Variants in SLC25A28 observed in about 807,000 individuals in gnomAD.
The protein encoded by SLC25A28 is mitoferrin-2.
A neutral mutation model predicts 31.9 loss-of-function variants in SLC25A28; 10 were observed. The ratio of observed to expected loss-of-function variants is 0.31; its 90% CI spans 0.19 to 0.53. SLC25A28 has a LOEUF of 0.53. Ranked by LOEUF, SLC25A28 falls within the 20% of genes least tolerant of loss-of-function variation. The pLI is 0.95. For missense variants in SLC25A28, 256 were observed against 490.3 expected (o/e 0.52, Z 4.51); for synonymous variants, 208 against 203.6 (o/e 1.02, Z -0.19).
the SLC25A28 span, among the ~76,000 whole-genome samples, chr10:99,648,007 A>AT: frequency 0.028 from 4,077 of 143,300 alleles, 100 homozygotes; most frequent in African/African-American, 0.075. Context: ...TATTCCATTG[A>AT]TTTTTTTTTT....
At chr10:99,646,985 G>A in the SLC25A28 span, among the ~76,000 whole-genome samples, 2 of 152,154 alleles carry the variant, frequency 1.3e-5, no homozygotes, top group African/African-American at 4.8e-5. Flanking sequence ...GTGTTGCTGG[G>A]AAAGATATGA....
the SLC25A28 span, among the ~76,000 whole-genome samples, chr10:99,626,913 C>G: frequency 2.6e-5 from 4 of 152,092 alleles, no homozygotes; most frequent in East Asian, 7.7e-4. Context: ...GAGTCACTTT[C>G]ATTCTTTAAC....
At chr10:99,638,895 T>A in the SLC25A28 span, among the ~76,000 whole-genome samples, 2 of 152,140 alleles carry the variant, frequency 1.3e-5, no homozygotes, top group Admixed American at 1.3e-4. Context: ...CTTAAAGAAC[T>A]AAAAGTAGAA....
chr10:99,642,883 T>C, the SLC25A28 span, among the ~76,000 whole-genome samples: 1 of 152,248 alleles, frequency 6.6e-6, no homozygotes, highest in Non-Finnish European at 1.5e-5. Flanking sequence ...AATTTGCATA[T>C]GTCCAACCAG....
intron 1 of SLC25A28, chr10:99,618,567 T>C (rs1723798381): frequency 1.0e-6 from 1 of 985,296 alleles, no homozygotes; most frequent in Admixed American, 6.1e-5. Context: ...TATACTTGTT[T>C]TACATTTCAA....
chr10:99,636,857 G>A, the SLC25A28 span, among the ~76,000 whole-genome samples: 2 of 151,996 alleles, frequency 1.3e-5, no homozygotes, highest in African/African-American at 4.8e-5. Flanking sequence ...ATTCTATCAG[G>A]CATTCAGAGA....
intron 1 of SLC25A28, among the ~76,000 whole-genome samples, chr10:99,619,676 G>T (rs1238808361): frequency 1.3e-5 from 2 of 152,208 alleles, no homozygotes; most frequent in Non-Finnish European, 2.9e-5. Flanking sequence ...TCCATTTCAG[G>T]GTCTGGTTCA....
At chr10:99,620,602 C>T (rs2034769787), upstream of SLC25A28, 29 of 1,005,508 alleles carry the variant, frequency 2.9e-5, no homozygotes, top group Non-Finnish European at 3.3e-5. Context: ...CTAGCGCCTA[C>T]ATCCCACCTT....
the SLC25A28 span, among the ~76,000 whole-genome samples, chr10:99,646,109 G>C: frequency 6.6e-6 from 1 of 152,236 alleles, no homozygotes; most frequent in Non-Finnish European, 1.5e-5. Flanking sequence ...GGACGTTTAA[G>C]TCTGTAGAAG....
intron 1 of SLC25A28, chr10:99,619,488 T>C (rs2034734172): frequency 3.4e-6 from 3 of 884,682 alleles, no homozygotes; most frequent in Non-Finnish European, 4.1e-6. Context: ...ACTTCCAGTC[T>C]GGAATTCTGC....
At position 99,610,786 on chromosome 10, in the gene SLC25A28, GAC is replaced by G; in HGVS notation, c.*61_*62del. 6.4e-7 allele frequency: 1 copy of G among 1,552,968 alleles called. No individual in the cohort carries two copies. The highest frequency in any genetic ancestry group is 8.7e-7 in the Non-Finnish European group (1 of 1,143,506). Reference sequence around the variant, plus strand: ...CACTTGAGGTGGGAGCATTCCAGGAGACAGAGAATGTGACCAGGATGCAGCAG... The same window carrying G: ...CACTTGAGGTGGGAGCATTCCAGGAGAGAGAATGTGACCAGGATGCAGCAG... On this transcript the variant is annotated 3_prime_UTR_variant, in exon 4 of 4. Coordinates refer to ENST00000370495, the MANE Select transcript of SLC25A28 (RefSeq NM_031212.4).
At chr10:99,647,570 T>C in the SLC25A28 span, among the ~76,000 whole-genome samples, 2 of 152,226 alleles carry the variant, frequency 1.3e-5, no homozygotes, top group African/African-American at 4.8e-5. Context: ...TAGTCCTCTG[T>C]TGTATGCATA....
upstream of SLC25A28, chr10:99,622,823 G>A: frequency 5.0e-6 from 2 of 398,882 alleles, no homozygotes; most frequent in Non-Finnish European, 6.8e-6. Flanking sequence ...TTCCCTTATT[G>A]CATACTTTTA....
chr10:99,620,441 G>C (rs1022901629), upstream of SLC25A28: 1 of 1,045,868 alleles, frequency 9.6e-7, no homozygotes, highest in African/African-American at 1.7e-5. Context: ...AGAGAGCCCG[G>C]GGCCTCCGGC....
At chr10:99,626,810 A>G in the SLC25A28 span, among the ~76,000 whole-genome samples, 2 of 151,266 alleles carry the variant, frequency 1.3e-5, no homozygotes. Context: ...TGTAATTCTC[A>G]TTTATTGAGG....
At chr10:99,650,305 G>A in the SLC25A28 span, among the ~76,000 whole-genome samples, 38,726 of 151,978 alleles carry the variant, frequency 0.25, 5,161 homozygotes, top group Non-Finnish European at 0.29. Context: ...AGCCTCCTGG[G>A]TAACTGGGAC....
intron 1 of SLC25A28, among the ~76,000 whole-genome samples, chr10:99,614,901 A>G (rs1316716584): frequency 1.3e-5 from 2 of 152,226 alleles, no homozygotes; most frequent in African/African-American, 4.8e-5. Flanking sequence ...GGTGCCTGAC[A>G]CACAATAAGC....
rs1205653876 is a variant in SLC25A28 at position 99,611,782 on chromosome 10, C to A, written c.578-416G>T. Among the ~76,000 whole-genome samples the A allele has an allele frequency of 6.6e-6, 1 of 152,150 alleles. No individual in the cohort carries two copies. Among genetic ancestry groups the A allele is most frequent in the Non-Finnish European group, 1.5e-5 (1 of 68,026 alleles). On this transcript the variant is annotated intron_variant, in intron 3 of 3. Coordinates refer to ENST00000370495, the MANE Select transcript of SLC25A28 (RefSeq NM_031212.4). The surrounding 1 kb of genome is among the most constrained non-coding windows in gnomAD (Gnocchi z 5.5). Reference sequence around the variant, plus strand: ...TCCCAATCCTCGCATACAAAGAGCACCTAACTTTTAAAATGTGAGATGGTG... The same window carrying A: ...TCCCAATCCTCGCATACAAAGAGCAACTAACTTTTAAAATGTGAGATGGTG...
the SLC25A28 span, among the ~76,000 whole-genome samples, chr10:99,631,898 T>TTTA: frequency 8.5e-6 from 1 of 117,328 alleles, no homozygotes; most frequent in Non-Finnish European, 1.8e-5. Flanking sequence ...TTTATTTTTT[T>TTTA]TTTTTTTTTG....
Sources: allele counts gnomAD v4.1 joint callset (sites outside exome capture counted in the v4.1 genomes callset), GRCh38; gene constraint gnomAD v4.1.1; non-coding constraint Gnocchi (gnomAD v3.1); transcripts MANE v1.5; gene names NCBI Gene and HGNC (gene_info 2026-07-23, HGNC 2026-07-21).